The following DMD variants were observed in gnomAD, a reference collection of about 807,000 sequenced individuals.
The protein encoded by DMD is mutant dystrophin.
DMD carries 63 observed loss-of-function variants against 330.1 expected under a neutral mutation model. The observed-to-expected ratio is 0.19, with a 90% CI of 0.16 to 0.24. The LOEUF is 0.24. DMD is among the 10% of genes least tolerant of loss of function. DMD has a pLI of 1.00. For missense variants in DMD, 3,344 were observed against 2,684.1 expected, an observed-to-expected ratio of 1.25 and a Z score of -5.43; for synonymous variants, 1,223 against 959.8, an observed-to-expected ratio of 1.27 and a Z score of -5.07.
intron 11 of DMD, among the ~76,000 whole-genome samples, chrX:32,616,442 T>C (rs1431887327): frequency 9.0e-6 from 1 of 111,230 alleles, no homozygotes; most frequent in Non-Finnish European, 1.9e-5. Flanking sequence ...GTATAGTTAT[T>C]TGATACTTTG....
intron 56 of DMD, among the ~76,000 whole-genome samples, chrX:31,504,598 A>C (rs778241682): frequency 9.0e-6 from 1 of 111,631 alleles, no homozygotes; most frequent in African/African-American, 3.3e-5. Context: ...TTCATAATGC[A>C]GGTTTATCAG....
chrX:32,671,276 T>A (rs1190070451), intron 9 of DMD, among the ~76,000 whole-genome samples: 1 of 111,017 alleles, frequency 9.0e-6, no homozygotes, highest in East Asian at 2.8e-4. Flanking sequence ...CATAAACATT[T>A]CTCAATTACC....
intron 18 of DMD, chrX:32,516,991 T>A (rs778053654): frequency 9.0e-6 from 1 of 111,693 alleles, no homozygotes; most frequent in African/African-American, 3.2e-5. Context: ...CTTCCCTTTT[T>A]CAAGCAGCCT....
rs779852723 is a variant in DMD, at chrX:31,366,787, CT to C, written c.9085-18154del. Among the ~76,000 whole-genome samples the C allele has an allele frequency of 2.3e-4, 25 of 107,454 alleles. 1 individual carries two copies. Among genetic ancestry groups the C allele is most frequent in the African/African-American group, 6.4e-4 (19 of 29,503 alleles). The allele number at this position is 107,454 out of a possible 115,157, so 93.3% of individuals were successfully genotyped here. ...TGTCCCCTTCAATGTCCTTTTGTAT[CT>C]TTTTTTTTAGCATTTTAGTCTATTT... On this transcript the variant is annotated intron_variant, in intron 60 of 78. Transcript: ENST00000357033.
At chrX:32,205,041 A>C (rs113297475) in intron 44 of DMD, among the ~76,000 whole-genome samples, 180 of 73,569 alleles carry the variant, frequency 2.4e-3, no homozygotes, top group African/African-American at 5.1e-3. Flanking sequence ...ACACACACAC[A>C]CCCACACACA....
intron 43 of DMD, among the ~76,000 whole-genome samples, chrX:32,262,857 G>A (rs2097328869): frequency 1.8e-5 from 2 of 111,722 alleles, no homozygotes; most frequent in African/African-American, 6.5e-5. Context: ...CACCTTCCTT[G>A]CTTCATACGG....
intron 7 of DMD, among the ~76,000 whole-genome samples, chrX:32,760,032 C>G (rs915837231): frequency 4.5e-5 from 5 of 112,237 alleles, no homozygotes; most frequent in African/African-American, 1.6e-4. Flanking sequence ...CTGAATAAAT[C>G]TGCATTGAAA....
chrX:32,203,524 T>C (rs758274092), intron 44 of DMD, among the ~76,000 whole-genome samples: 90 of 112,420 alleles, frequency 8.0e-4, no homozygotes, highest in African/African-American at 2.8e-3. Context: ...CCATGTCTTA[T>C]GGTGGGCTTT....
chrX:32,125,965 G>C (rs1347464444), intron 44 of DMD, among the ~76,000 whole-genome samples: 1 of 112,110 alleles, frequency 8.9e-6, no homozygotes, highest in East Asian at 2.8e-4. Flanking sequence ...CAGATCTACT[G>C]AATCAGAAGC....
At chrX:31,570,875 C>T (rs1302165182) in intron 55 of DMD, among the ~76,000 whole-genome samples, 1 of 111,741 alleles carries the variant, frequency 8.9e-6, no homozygotes. Flanking sequence ...TATCGAGTTA[C>T]TTAAGCTTCA....
At chrX:32,673,680 T>C (rs1167261808) in intron 9 of DMD, among the ~76,000 whole-genome samples, 2 of 111,999 alleles carry the variant, frequency 1.8e-5, no homozygotes, top group East Asian at 5.6e-4. Context: ...AGACGATCCC[T>C]CCTATCATGA....
intron 21 of DMD, among the ~76,000 whole-genome samples, chrX:32,481,249 C>G (rs1057317892): frequency 6.3e-5 from 7 of 111,107 alleles, no homozygotes; most frequent in Admixed American, 1.9e-4. Flanking sequence ...CAGATCATCA[C>G]CTCTTCAAGG....
intron 74 of DMD, among the ~76,000 whole-genome samples, chrX:31,151,363 G>A (rs933034555): frequency 1.8e-5 from 2 of 112,245 alleles, no homozygotes; most frequent in Middle Eastern, 4.7e-3. Context: ...CCAGATTGGG[G>A]CAGCCATGGT....
At chrX:32,183,259 A>G (rs1474099151) in intron 44 of DMD, among the ~76,000 whole-genome samples, 1 of 110,888 alleles carries the variant, frequency 9.0e-6, no homozygotes, top group African/African-American at 3.3e-5. Flanking sequence ...AGCCTTTAAG[A>G]CTTGGATGGT....
intron 48 of DMD, among the ~76,000 whole-genome samples, chrX:31,848,559 C>G (rs2093467371): frequency 9.0e-6 from 1 of 110,905 alleles, no homozygotes; most frequent in African/African-American, 3.3e-5. Flanking sequence ...TCTTAATGTC[C>G]CCTCCAATGC....
chrX:31,157,392 G>C (rs1397162763), intron 74 of DMD, among the ~76,000 whole-genome samples: 1 of 111,874 alleles, frequency 8.9e-6, no homozygotes, highest in African/African-American at 3.3e-5. Context: ...ACTTATAACT[G>C]GAAATAAGAC....
At chrX:33,296,617 C>G (rs984995473) in intron 1 of DMD, among the ~76,000 whole-genome samples, 3 of 110,504 alleles carry the variant, frequency 2.7e-5, no homozygotes, top group Non-Finnish European at 5.7e-5. Flanking sequence ...TTTGAGTCTT[C>G]CAGACTGAGC....
intron 52 of DMD, among the ~76,000 whole-genome samples, chrX:31,727,411 G>A (rs2086143446): frequency 8.9e-6 from 1 of 111,979 alleles, no homozygotes; most frequent in Non-Finnish European, 1.9e-5. Flanking sequence ...GCTCAACAGT[G>A]TACACTATTT....
Position 31,241,128 on chromosome X carries a change from T to C in DMD, c.9287-18007A>G, listed in dbSNP as rs1286209254. On this transcript the variant is annotated intron_variant, in intron 63 of 78. Transcript: ENST00000357033. The stretch of plus-strand genomic sequence containing the variant: ...TTCTTGTTATAAAGTATAATAAAAG[T>C]GCAAGTAATATTTTTATCATGCTGT... 5.4e-5 allele frequency among the ~76,000 whole-genome samples: 6 copies of C among 111,548 alleles called. No individual in the cohort carries two copies. In the East Asian group the frequency reaches 8.4e-4, roughly 16 times the overall value.
Sources: allele counts gnomAD v4.1 joint callset (sites outside exome capture counted in the v4.1 genomes callset), GRCh38; gene constraint gnomAD v4.1.1; transcripts MANE v1.5; gene names NCBI Gene and HGNC (gene_info 2026-07-23, HGNC 2026-07-21).